The following TNFRSF14 variants were observed in gnomAD, a reference collection of about 807,000 sequenced individuals.
The protein encoded by TNFRSF14 is tumor necrosis factor receptor superfamily member 14.
In TNFRSF14, 18 loss-of-function variants were observed where a neutral mutation model predicts 34.1. That is an observed-to-expected ratio of 0.53 (90% CI 0.36 to 0.78). The LOEUF is 0.78. TNFRSF14 is among the 30% of genes least tolerant of loss of function. The pLI, the probability that TNFRSF14 is intolerant of heterozygous loss-of-function variation, is 0.00. For synonymous variants in TNFRSF14, 157 were observed against 153.2 expected, an observed-to-expected ratio of 1.02 and a Z score of -0.18; for missense variants, 352 against 379.5, an observed-to-expected ratio of 0.93 and a Z score of 0.60.
Position 2,559,959 on chromosome 1 carries a change from C to A in TNFRSF14, c.441C>A (p.Gly147=). The change falls in exon 4 of 8, where the codon GGC becomes GGA. Residue 147 remains glycine, a synonymous_variant. Coordinates refer to ENST00000355716, the MANE Select transcript of TNFRSF14 (RefSeq NM_003820.4). ...GCGCTTACGCCACCTCCAGCCCGGG[C>A]CAGAGGGTGCAGAAGGGAGGTAAGC... The part of the protein sequence containing the change: ...ACRAYATSSP[G]QRVQKGGTES... The A allele has an allele frequency of 1.3e-6, 2 of 1,581,358 alleles. No homozygotes were observed. The highest frequency in any genetic ancestry group is 8.6e-7 in the Non-Finnish European group (1 of 1,162,156).
chr1:2,554,492 G>C (rs913783121), upstream of TNFRSF14, among the ~76,000 whole-genome samples: 2 of 152,132 alleles, frequency 1.3e-5, no homozygotes, highest in Non-Finnish European at 2.9e-5. This position sits in a 1 kb window ranked among gnomAD's most constrained non-coding sequence, Gnocchi z 4.2. Context: ...GGGGAGCAGG[G>C]AGCGGGGACA....
At chr1:2,558,061 C>T (rs1414152579) in intron 2 of TNFRSF14, among the ~76,000 whole-genome samples, 4 of 152,156 alleles carry the variant, frequency 2.6e-5, no homozygotes, top group Non-Finnish European at 4.4e-5. Flanking sequence ...GTCTGAGAGA[C>T]GTGGCTGGCC....
chr1:2,557,632 A>G (rs1644237416), intron 1 of TNFRSF14, 94 bp from the exon 2 acceptor site: 1 of 955,432 alleles, frequency 1.0e-6, no homozygotes, highest in Non-Finnish European at 1.5e-6. Context: ...GCTCCTCCCC[A>G]TTGCACAGAG....
Position 2,558,431 on chromosome 1 carries a change from C to T in TNFRSF14, c.267C>T (p.Gly89=), listed in dbSNP as rs142070514. ...PPGTYIAHLN[G]LSKCLQCQMC... ...GCACCTACATTGCCCACCTCAATGG[C>T]CTAAGCAAGTGTCTGCAGTGCCAAA... Residue 89 remains glycine (G), a synonymous_variant, in exon 3 of 8, where the codon GGC becomes GGT. Transcript: ENST00000355716. The T allele has an allele frequency of 2.5e-6, 4 of 1,613,320 alleles. No individual in the cohort carries two copies. Among genetic ancestry groups the T allele is most frequent in the Admixed American group, 1.7e-5 (1 of 59,926 alleles).
In TNFRSF14 at chr1:2,558,323, TC is replaced by T; in HGVS notation, c.179-17del. 1 of 1,591,706 alleles carries T rather than the reference TC, an allele frequency of 6.3e-7. No homozygotes were observed. Among genetic ancestry groups the T allele is most frequent in the Non-Finnish European group, 8.5e-7 (1 of 1,170,510 alleles). Reference sequence around the variant, plus strand: ...GGGGCCTCCCGCAGACTTGCGAAGTTCCCACTCTCTGGGCGGCAGGTTATCG... The same window carrying T: ...GGGGCCTCCCGCAGACTTGCGAAGTTCCACTCTCTGGGCGGCAGGTTATCG... On this transcript the variant is annotated intron_variant, in intron 2 of 7. Coordinates refer to ENST00000355716, the MANE Select transcript of TNFRSF14 (RefSeq NM_003820.4).
chr1:2,560,179 G>A (rs1224685452), intron 4 of TNFRSF14, among the ~76,000 whole-genome samples: 1 of 152,218 alleles, frequency 6.6e-6, no homozygotes, highest in Admixed American at 6.5e-5. Flanking sequence ...GCAGGGGAAG[G>A]GGCAAGGAAG....
At chr1:2,556,801 T>C in intron 1 of TNFRSF14, 68 bp downstream of exon 1, 2 of 1,447,800 alleles carry the variant, frequency 1.4e-6, no homozygotes, top group South Asian at 2.8e-5. Context: ...CTCCCACAGA[T>C]CTCTTCCCCA....
At chr1:2,558,284 G>A in intron 2 of TNFRSF14, 59 bp from the exon 3 acceptor site, 1 of 1,550,410 alleles carries the variant, frequency 6.4e-7, no homozygotes, top group Non-Finnish European at 8.7e-7. Context: ...TGGAGTGATG[G>A]GTGGGCTCCC....
intron 3 of TNFRSF14, chr1:2,559,181 G>A: frequency 7.3e-7 from 1 of 1,368,108 alleles, no homozygotes; most frequent in Non-Finnish European, 9.6e-7. Context: ...GAACAGAAGA[G>A]GAAGCTGGAG....
Position 2,559,915 on chromosome 1 carries a change from G to C in TNFRSF14, c.397G>C (p.Asp133His), listed in dbSNP as rs371649281. Reference protein sequence around the residue: ...PGHFCIVQDGDHCAACRAYAT... With the variant: ...PGHFCIVQDGHHCAACRAYAT... ...CCACTTCTGCATCGTCCAGGACGGG[G>C]ACCACTGCGCCGCGTGCCGCGCTTA... Residue 133 changes from aspartate to histidine, a missense_variant, in exon 4 of 8, where the codon GAC becomes CAC. Physicochemically the swap from Asp to His is moderately conservative, Grantham distance 81 (BLOSUM62 -1). Transcript: ENST00000355716. 2.5e-6 allele frequency: 4 copies of C among 1,602,012 alleles called. No individual in the cohort carries two copies. Among genetic ancestry groups the C allele is most frequent in the African/African-American group, 2.7e-5 (2 of 74,736 alleles).
chr1:2,562,696 C>A, intron 6 of TNFRSF14, 169 bp from the exon 7 acceptor site: 2 of 890,722 alleles, frequency 2.2e-6, no homozygotes, highest in Non-Finnish European at 3.7e-6. Context: ...GCTAGCAGTC[C>A]CAACACAGTT....
At chr1:2,563,092 C>T in intron 7 of TNFRSF14, 56 bp from the exon 8 acceptor site, 2 of 1,604,902 alleles carry the variant, frequency 1.2e-6, no homozygotes, top group Non-Finnish European at 8.5e-7. Flanking sequence ...ACCCGAGAAC[C>T]TGGAGTCCCA....
upstream of TNFRSF14, chr1:2,556,272 A>C (rs894169497): frequency 1.9e-6 from 1 of 539,056 alleles, no homozygotes; most frequent in African/African-American, 1.9e-5. Context: ...GTGGGGAAAC[A>C]CAGATGGACT....
At chr1:2,558,852 A>G (rs1483482173) in intron 3 of TNFRSF14, 2 of 1,323,638 alleles carry the variant, frequency 1.5e-6, no homozygotes, top group East Asian at 3.5e-5. Flanking sequence ...CTGCTTCCCC[A>G]CAGGGCTTCT....
chr1:2,563,082 A>G, intron 7 of TNFRSF14, 66 bp from the exon 8 acceptor site: 1 of 1,601,758 alleles, frequency 6.2e-7, no homozygotes, highest in Non-Finnish European at 8.5e-7. Flanking sequence ...AGTAAAATGA[A>G]CCCGAGAACC....
chr1:2,556,839 C>T (rs373872146), intron 1 of TNFRSF14, 106 bp downstream of exon 1: 48 of 1,210,062 alleles, frequency 4.0e-5, no homozygotes, highest in Admixed American at 8.6e-5. Context: ...TTGCTGGCTC[C>T]GGCGTCCAGC....
At chr1:2,562,556 A>C in intron 6 of TNFRSF14, 1 of 539,832 alleles carries the variant, frequency 1.9e-6, no homozygotes, top group Non-Finnish European at 3.3e-6. Context: ...TCCACTGTGA[A>C]GCGCTTGTTC....
Position 2,561,994 on chromosome 1 carries a change from C to T in TNFRSF14, c.694+179C>T. The T allele has an allele frequency of 1.4e-6, 1 of 694,880 alleles. No individual in the cohort carries two copies. The allele number at this position is 694,880 out of a possible 1,614,324, so 43.0% of individuals were successfully genotyped here. The stretch of plus-strand genomic sequence containing the variant: ...GCTGTGGCCAGAGCCCAGGTGTCAG[C>T]TGGCCTCCCTGGGGGAAGGGAAGGT... On this transcript the variant is annotated intron_variant, in intron 6 of 7. Transcript: ENST00000355716. This position sits in a 1 kb window ranked among gnomAD's most constrained non-coding sequence, Gnocchi z 6.0.
At position 2,560,707 on chromosome 1, in the gene TNFRSF14, C is replaced by A; in HGVS notation, c.544C>A (p.Gln182Lys). ...PNGTLEECQH[Q>K]TKCSWLVTKA... ...TGGGACCCTGGAGGAATGTCAGCAC[C>A]AGACCAAGTAAGTGAACCCGGGGGA... Residue 182 changes from glutamine (Q) to lysine (K), a missense_variant, in exon 5 of 8, where the codon CAG becomes AAG. Transcript: ENST00000355716. The A allele has an allele frequency of 6.2e-7, 1 of 1,613,318 alleles. No homozygotes were observed. The highest frequency in any genetic ancestry group is 8.5e-7 in the Non-Finnish European group (1 of 1,179,914).
Sources: allele counts gnomAD v4.1 joint callset (sites outside exome capture counted in the v4.1 genomes callset), GRCh38; gene constraint gnomAD v4.1.1; non-coding constraint Gnocchi (gnomAD v3.1); transcripts MANE v1.5; gene names NCBI Gene and HGNC (gene_info 2026-07-23, HGNC 2026-07-21).